The following EVL variants were observed in gnomAD, a reference collection of about 807,000 sequenced individuals.
The protein encoded by EVL is Enah/Vasp-like.
In EVL, 21 loss-of-function variants were observed where a neutral mutation model predicts 59.6. That is an observed-to-expected ratio of 0.35 (90% confidence interval 0.25 to 0.51). EVL has a LOEUF of 0.51. Among genes scored for constraint, EVL ranks in the 20% least tolerant of loss-of-function variants. The probability of loss-of-function intolerance (pLI) is 0.97; values close to 1 mark genes in which losing one functional copy is unlikely to be tolerated. For synonymous variants in EVL, 198 were observed against 203.5 expected, an observed-to-expected ratio of 0.97 and a Z score of 0.23; for missense variants, 462 against 546.6, an observed-to-expected ratio of 0.85 and a Z score of 1.54.
At position 100,105,183 on chromosome 14, in the gene EVL, A is replaced by C. The variant is rs527943814; in HGVS notation, c.358+7525A>C. ...ACACCTCTTTGGTACCAGCATCCCT[A>C]CTAGCACGCTAGTCCTGTTGGGAGC... is the stretch of plus-strand genomic sequence containing the variant. On this transcript the variant is annotated intron_variant, in intron 3 of 13. Transcript: ENST00000392920. Among the ~76,000 whole-genome samples, 205 of 152,220 alleles carry C rather than the reference A, an allele frequency of 1.3e-3. 1 individual carries two copies. The highest frequency in any genetic ancestry group is 4.9e-3 in the African/African-American group (203 of 41,546).
At position 100,137,395 on chromosome 14, in the gene EVL, C is replaced by A. The variant is rs976994264; in HGVS notation, c.965-183C>A. On this transcript the variant is annotated intron_variant, in intron 9 of 13. Coordinates refer to ENST00000392920, the MANE Select transcript of EVL (RefSeq NM_016337.3). ...AGATCACAGGTCAGGGTCAACCTGA[C>A]CTAGGCCATGGGGGACTGAGAACAA... 1.6e-5 allele frequency: 10 copies of A among 628,472 alleles called. No homozygotes were observed. The African/African-American group carries it at 1.8e-4, about 11-fold the overall frequency. 38.9% of individuals were successfully genotyped at this position (628,472 alleles called of 1,614,324 possible).
intron 1 of EVL, among the ~76,000 whole-genome samples, chr14:100,016,838 G>A (rs61682635): frequency 0.013 from 2,010 of 152,276 alleles, 45 homozygotes; most frequent in African/African-American, 0.045. Flanking sequence ...TGGAACAGTT[G>A]AGGCACTTTT....
intron 13 of EVL, 30 bp from the exon 14 acceptor site, chr14:100,143,671 G>A (rs1889343598): frequency 1.2e-6 from 2 of 1,608,868 alleles, no homozygotes; most frequent in Non-Finnish European, 1.7e-6. Flanking sequence ...GGTCATGGCT[G>A]CACCTGAGCC....
At chr14:100,055,257 T>G (rs1192655397) in intron 1 of EVL, among the ~76,000 whole-genome samples, 1 of 151,978 alleles carries the variant, frequency 6.6e-6, no homozygotes, top group East Asian at 1.9e-4. Context: ...GAGTATCATA[T>G]AAATGTAATC....
At chr14:99,985,617 AT>A (rs2060834924) in intron 1 of EVL, among the ~76,000 whole-genome samples, 1 of 151,974 alleles carries the variant, frequency 6.6e-6, no homozygotes, top group African/African-American at 2.4e-5. Flanking sequence ...AAAATACAAG[AT>A]TAGCTGGGTG....
rs34251845 is a variant in EVL at position 100,114,170 on chromosome 14, C to CGG, written c.359-9363_359-9362dup. ...AGCAAGGAGCGAAGCGAAGGAGGGC[C>CGG]GGGGGGGAATCAAATGAGCCTTACT... On this transcript the variant is annotated intron_variant, in intron 3 of 13. Coordinates refer to ENST00000392920, the MANE Select transcript of EVL (RefSeq NM_016337.3). The surrounding 1 kb of genome is among the most constrained non-coding windows in gnomAD (Gnocchi z 5.0). Among the ~76,000 whole-genome samples the CGG allele has an allele frequency of 3.0e-4, 46 of 151,248 alleles. No homozygotes were observed. The highest frequency in any genetic ancestry group is 5.3e-4 in the Non-Finnish European group (36 of 67,860).
chr14:100,001,697 C>T (rs940062698), intron 1 of EVL, among the ~76,000 whole-genome samples: 2 of 152,254 alleles, frequency 1.3e-5, no homozygotes, highest in Admixed American at 1.3e-4. Context: ...CCCATGATAA[C>T]CTGGGGCTCC....
rs192730741 is a variant in EVL, at chr14:100,086,159, C to T, written c.180+1304C>T. On this transcript the variant is annotated intron_variant, in intron 2 of 13. Coordinates refer to ENST00000392920, the MANE Select transcript of EVL (RefSeq NM_016337.3). ...TCTTTCTAACCTTGAAATCTTGGTA[C>T]CTCCAAAAGCATCCCTTTCCCTTGT... Among the ~76,000 whole-genome samples, 489 of 152,250 alleles carry T rather than the reference C, an allele frequency of 3.2e-3. 2 individuals carry two copies. Among genetic ancestry groups the T allele is most frequent in the African/African-American group, 0.012 (484 of 41,542 alleles).
intron 2 of EVL, among the ~76,000 whole-genome samples, chr14:100,085,854 A>G (rs1240374748): frequency 6.6e-6 from 1 of 152,150 alleles, no homozygotes; most frequent in African/African-American, 2.4e-5. Context: ...CTGGCTGGGC[A>G]CGGTGGCTCA....
At chr14:100,048,180 C>A (rs1219896485) in intron 1 of EVL, among the ~76,000 whole-genome samples, 1 of 152,214 alleles carries the variant, frequency 6.6e-6, no homozygotes, top group East Asian at 1.9e-4. Context: ...GAATTAAAAA[C>A]TATTATTCTG....
intron 3 of EVL, among the ~76,000 whole-genome samples, chr14:100,103,122 C>T (rs1324252538): frequency 2.8e-5 from 4 of 144,828 alleles, no homozygotes; most frequent in African/African-American, 2.6e-5. Flanking sequence ...AAAAAAGACA[C>T]AAATCAGAGG....
chr14:99,986,262 A>G (rs2060839358), intron 1 of EVL, among the ~76,000 whole-genome samples: 2 of 146,224 alleles, frequency 1.4e-5, no homozygotes, highest in African/African-American at 5.2e-5. Flanking sequence ...ACCGTACTCC[A>G]GCCTGGGTGA....
intron 1 of EVL, among the ~76,000 whole-genome samples, chr14:100,039,174 T>G (rs2061431393): frequency 6.6e-6 from 1 of 152,184 alleles, no homozygotes; most frequent in African/African-American, 2.4e-5. Flanking sequence ...ACCCCATGAT[T>G]TCAGCTTTTC....
chr14:100,016,033 T>C (rs1402019684), intron 1 of EVL, among the ~76,000 whole-genome samples: 1 of 150,864 alleles, frequency 6.6e-6, no homozygotes, highest in Non-Finnish European at 1.5e-5. Flanking sequence ...GAGCTGAGAT[T>C]GCACCACTGC....
At chr14:100,141,377 GC>G in intron 12 of EVL, 131 bp downstream of exon 12, 1 of 929,320 alleles carries the variant, frequency 1.1e-6, no homozygotes, top group Non-Finnish European at 1.6e-6. Context: ...TCAGGGAGCA[GC>G]CACGGCAGAA....
chr14:99,984,652 C>G (rs2060828546), intron 1 of EVL, among the ~76,000 whole-genome samples: 1 of 152,190 alleles, frequency 6.6e-6, no homozygotes, highest in Middle Eastern at 3.4e-3. Context: ...TTGCTCTGGT[C>G]ACCCAGGCTG....
intron 1 of EVL, among the ~76,000 whole-genome samples, chr14:100,007,538 A>G (rs566159984): frequency 3.9e-5 from 6 of 152,358 alleles, no homozygotes; most frequent in Non-Finnish European, 8.8e-5. Context: ...CATGGCACTC[A>G]TGAAAAATGC....
chr14:100,012,746 C>T (rs1473343168), intron 1 of EVL, among the ~76,000 whole-genome samples: 2 of 152,120 alleles, frequency 1.3e-5, no homozygotes, highest in Non-Finnish European at 2.9e-5. Context: ...GGTGGTTTTA[C>T]TTTTTCTCTT....
chr14:100,049,924 T>G (rs913787879), intron 1 of EVL, among the ~76,000 whole-genome samples: 6 of 152,232 alleles, frequency 3.9e-5, no homozygotes, highest in African/African-American at 1.4e-4. Context: ...GTGACTGACT[T>G]CTTTCACGTA....
Sources: gnomAD v4.1 joint callset for allele counts (sites outside exome capture counted in the v4.1 genomes callset) on GRCh38, gnomAD v4.1.1 for gene constraint, Gnocchi (gnomAD v3.1) non-coding constraint, MANE v1.5 for transcripts, NCBI Gene and HGNC (gene_info 2026-07-23, HGNC 2026-07-21) for gene names.